The following SGCD variants were observed in gnomAD, a reference collection of about 807,000 sequenced individuals.
SGCD encodes the protein delta-sarcoglycan.
In SGCD, 18 loss-of-function variants were observed where a neutral mutation model predicts 36.6. The observed-to-expected ratio is 0.49, with a 90% CI of 0.34 to 0.73. The LOEUF is 0.73. Among genes scored for constraint, SGCD ranks in the 30% least tolerant of loss-of-function variants. The pLI, the probability that SGCD is intolerant of heterozygous loss-of-function variation, is 0.01. For synonymous variants in SGCD, 133 were observed against 130.6 expected (o/e 1.02, Z -0.12); for missense variants, 387 against 346.7 (o/e 1.12, Z -0.92).
intron 4 of SGCD, among the ~76,000 whole-genome samples, chr5:156,516,928 G>A (rs1024529972): frequency 6.6e-6 from 1 of 152,142 alleles, no homozygotes; most frequent in African/African-American, 2.4e-5. Context: ...AACCCGGAAG[G>A]TGGAGGTTGC....
rs578023354 is a variant in SGCD at position 156,630,222 on chromosome 5, T to C, written c.503-17242T>C. Reference sequence around the variant, plus strand: ...GATAGCAAATACAAATGCCAAAGACTGGAAATCTAAACTGTGAGAGGTATA... The same window carrying C: ...GATAGCAAATACAAATGCCAAAGACCGGAAATCTAAACTGTGAGAGGTATA... On this transcript the variant is annotated intron_variant, in intron 6 of 8. Transcript: ENST00000337851. Among the ~76,000 whole-genome samples the C allele has an allele frequency of 3.3e-5, 5 of 152,290 alleles. No homozygotes were observed. The South Asian group carries it at 8.3e-4, about 25-fold the overall frequency.
At chr5:155,965,834 T>C (rs1040850669) in intron 1 of SGCD, among the ~76,000 whole-genome samples, 1 of 152,096 alleles carries the variant, frequency 6.6e-6, no homozygotes, top group Non-Finnish European at 1.5e-5. Flanking sequence ...CCCCGACCCC[T>C]TCTTCCAAAT....
chr5:155,942,653 G>A (rs1195441473), intron 1 of SGCD, among the ~76,000 whole-genome samples: 1 of 152,170 alleles, frequency 6.6e-6, no homozygotes, highest in Non-Finnish European at 1.5e-5. Flanking sequence ...ATAAAGTCAA[G>A]TGTTGGCTAA....
rs186576677 is a variant in SGCD at position 156,039,728 on chromosome 5, C to T, written c.-281-78150C>T. ...ACCTTGCAGGGTATCCAATGAAGCT[C>T]CTTTTACTACGGAGAGAGTAGTTTC... On this transcript the variant is annotated intron_variant, in intron 1 of 9. Transcript: ENST00000517913. Among the ~76,000 whole-genome samples the T allele has an allele frequency of 5.2e-3, 785 of 152,234 alleles. 4 individuals are homozygous for T. The highest frequency in any genetic ancestry group is 0.037 in the Middle Eastern group (11 of 294).
chr5:156,199,277 T>G (rs558197119), intron 3 of SGCD, among the ~76,000 whole-genome samples: 84 of 152,290 alleles, frequency 5.5e-4, no homozygotes, highest in East Asian at 9.6e-4. Context: ...CAGCAGCAAG[T>G]TGATGCCCAA....
chr5:155,797,191 G>C, the SGCD span, among the ~76,000 whole-genome samples: 1 of 152,114 alleles, frequency 6.6e-6, no homozygotes, highest in Non-Finnish European at 1.5e-5. Flanking sequence ...GACAGAATCT[G>C]TTATTTAAAA....
intron 1 of SGCD, among the ~76,000 whole-genome samples, chr5:155,893,127 T>C (rs1026944572): frequency 6.6e-6 from 1 of 152,330 alleles, no homozygotes. Flanking sequence ...TTCTAAATGT[T>C]CTCAATACAA....
intron 4 of SGCD, among the ~76,000 whole-genome samples, chr5:156,573,338 A>C (rs183895453): frequency 6.6e-6 from 1 of 152,320 alleles, no homozygotes; most frequent in East Asian, 1.9e-4. Flanking sequence ...CAAAGTTGCA[A>C]CTACTTTGCC....
intron 4 of SGCD, among the ~76,000 whole-genome samples, chr5:156,518,887 G>T (rs1398044099): frequency 6.6e-6 from 1 of 152,056 alleles, no homozygotes. Context: ...CTAAGTGTCT[G>T]CATCAGAAAG....
intron 1 of SGCD, among the ~76,000 whole-genome samples, chr5:156,110,582 A>C (rs1005502795): frequency 2.0e-5 from 3 of 152,048 alleles, no homozygotes; most frequent in African/African-American, 7.2e-5. Context: ...AAGCAAAATG[A>C]ATTTCAGAAA....
At chr5:156,147,372 T>A (rs1365061856) in intron 3 of SGCD, among the ~76,000 whole-genome samples, 1 of 152,228 alleles carries the variant, frequency 6.6e-6, no homozygotes, top group Non-Finnish European at 1.5e-5. Context: ...ATTACCAGTT[T>A]TACATAACTG....
chr5:156,501,897 A>G (rs1298378443), intron 3 of SGCD, among the ~76,000 whole-genome samples: 1 of 152,168 alleles, frequency 6.6e-6, no homozygotes, highest in Non-Finnish European at 1.5e-5. Context: ...TCATTCAGTC[A>G]AGACCTGCTA....
At chr5:155,961,532 C>G (rs1241741185) in intron 1 of SGCD, among the ~76,000 whole-genome samples, 1 of 152,084 alleles carries the variant, frequency 6.6e-6, no homozygotes, top group African/African-American at 2.4e-5. Flanking sequence ...AGCCAACAAA[C>G]AAACATAGTG....
chr5:156,070,038 A>G (rs547679902), intron 1 of SGCD, among the ~76,000 whole-genome samples: 28 of 151,890 alleles, frequency 1.8e-4, no homozygotes, highest in East Asian at 5.8e-4. Context: ...GGGCTGAGAC[A>G]ATGGGGTTTT....
chr5:156,046,419 T>A (rs901924481), intron 1 of SGCD, among the ~76,000 whole-genome samples: 2 of 152,176 alleles, frequency 1.3e-5, no homozygotes, highest in Non-Finnish European at 2.9e-5. Context: ...CTGTGTTTTT[T>A]AAACATTGAA....
chr5:156,552,279 A>G (rs1455252257), intron 4 of SGCD, among the ~76,000 whole-genome samples: 2 of 152,180 alleles, frequency 1.3e-5, no homozygotes, highest in Non-Finnish European at 2.9e-5. Context: ...TTGGTGACCA[A>G]TTCAGATAAA....
intron 4 of SGCD, among the ~76,000 whole-genome samples, chr5:156,558,490 C>T (rs1759134250): frequency 6.6e-6 from 1 of 152,094 alleles, no homozygotes; most frequent in Non-Finnish European, 1.5e-5. Flanking sequence ...GTGTACATGA[C>T]TATATCCTTC....
chr5:156,194,942 A>G (rs10037458), intron 3 of SGCD, among the ~76,000 whole-genome samples: 3,038 of 152,300 alleles, frequency 0.02, 69 homozygotes, highest in African/African-American at 0.058. Flanking sequence ...GGCTCAGTCA[A>G]TAATAGCTGT....
chr5:156,265,682 T>C (rs762494681), intron 3 of SGCD, among the ~76,000 whole-genome samples: 34 of 151,526 alleles, frequency 2.2e-4, no homozygotes, highest in African/African-American at 4.6e-4. Flanking sequence ...CTTATAATAG[T>C]GTGTTATATA....
Sources: allele counts gnomAD v4.1 joint callset (sites outside exome capture counted in the v4.1 genomes callset), GRCh38; gene constraint gnomAD v4.1.1; transcripts MANE v1.5; gene names NCBI Gene and HGNC (gene_info 2026-07-23, HGNC 2026-07-21).